The following PC variants were observed in gnomAD, a reference collection of about 807,000 sequenced individuals.
PC encodes the protein pyruvate carboxylase.
In PC, 46 loss-of-function variants were observed where a neutral mutation model predicts 107.8. That is an observed-to-expected ratio of 0.43 (90% confidence interval 0.34 to 0.55). The LOEUF is 0.55. Among genes scored for constraint, PC ranks in the 20% least tolerant of loss-of-function variants. The pLI, the probability that PC is intolerant of heterozygous loss-of-function variation, is 0.04. For synonymous variants in PC, 662 were observed against 684.7 expected, an observed-to-expected ratio of 0.97 and a Z score of 0.52; for missense variants, 1,241 against 1,643.1, an observed-to-expected ratio of 0.76 and a Z score of 4.23.
chr11:66,925,123 C>T (rs1190839876), intron 3 of PC, among the ~76,000 whole-genome samples: 6 of 152,180 alleles, frequency 3.9e-5, no homozygotes, highest in Middle Eastern at 3.4e-3. Flanking sequence ...GGAGGCAGGG[C>T]GAGATCACAG....
chr11:66,857,802 C>T lies in PC; in HGVS notation c.1369-4419G>A. On this transcript the variant is annotated intron_variant, in intron 12 of 22. Transcript: ENST00000393960. This position sits in a 1 kb window ranked among gnomAD's most constrained non-coding sequence, Gnocchi z 7.1. The stretch of plus-strand genomic sequence containing the variant: ...CAGTGGAGCGGCCGCCTGCCCGCTG[C>T]CCTGCGTCTGCCAGAACCTGTCCGA... 2 of 1,600,330 alleles carry T rather than the reference C, an allele frequency of 1.2e-6. No homozygotes were observed. The highest frequency in any genetic ancestry group is 2.2e-5 in the South Asian group (2 of 91,042).
At position 66,854,942 on chromosome 11, in the gene PC, C is replaced by T. The variant is rs190198465; in HGVS notation, c.1369-1559G>A. Among the ~76,000 whole-genome samples the T allele has an allele frequency of 2.5e-3, 388 of 152,352 alleles. 2 individuals are homozygous for T. Among genetic ancestry groups the T allele is most frequent in the Non-Finnish European group, 4.7e-3 (321 of 68,040 alleles). On this transcript the variant is annotated intron_variant, in intron 12 of 22. Coordinates refer to ENST00000393960, the MANE Select transcript of PC (RefSeq NM_001040716.2). ...GAAGGGAGGCAGCTAATGAAACCATCCAAAGAGCCCCGAGCGCGCAGAGTG... is the reference window on the plus strand; with the variant it reads ...GAAGGGAGGCAGCTAATGAAACCATTCAAAGAGCCCCGAGCGCGCAGAGTG...
At chr11:66,946,377 T>C (rs974538653) in intron 3 of PC, among the ~76,000 whole-genome samples, 6 of 152,066 alleles carry the variant, frequency 3.9e-5, no homozygotes, top group African/African-American at 1.2e-4. Context: ...ATGCCTGTAA[T>C]CCCAGCACTT....
intron 2 of PC, among the ~76,000 whole-genome samples, chr11:66,952,897 C>T (rs1949473806): frequency 6.6e-6 from 1 of 152,208 alleles, no homozygotes; most frequent in Non-Finnish European, 1.5e-5. Context: ...GAGCTGGAAG[C>T]GCCAGCTGTG....
chr11:66,942,701 T>C (rs974102216), intron 3 of PC, among the ~76,000 whole-genome samples: 1 of 152,030 alleles, frequency 6.6e-6, no homozygotes, highest in Non-Finnish European at 1.5e-5. Flanking sequence ...ACCACTGAAC[T>C]GTACGCTGGA....
intron 3 of PC, among the ~76,000 whole-genome samples, chr11:66,934,237 A>G (rs2136117576): frequency 6.6e-6 from 1 of 152,148 alleles, no homozygotes; most frequent in South Asian, 2.1e-4. Flanking sequence ...TTCTACCCTC[A>G]AGGGGTTCAC....
At chr11:66,881,822 G>A (rs1947197331) in intron 3 of PC, among the ~76,000 whole-genome samples, 1 of 152,204 alleles carries the variant, frequency 6.6e-6, no homozygotes, top group Non-Finnish European at 1.5e-5. Flanking sequence ...AGCCGGCCTG[G>A]AGCCCGCTTC....
intron 3 of PC, among the ~76,000 whole-genome samples, chr11:66,947,560 C>CAA (rs113612836): frequency 8.0e-6 from 1 of 125,082 alleles, no homozygotes. Context: ...GACTCAGTCT[C>CAA]AAAAAAAAAA....
intron 3 of PC, among the ~76,000 whole-genome samples, chr11:66,876,871 G>C (rs1051979095): frequency 1.3e-4 from 20 of 152,184 alleles, no homozygotes; most frequent in Non-Finnish European, 2.5e-4. Flanking sequence ...GGAGCCTTCG[G>C]GACAAGCACA....
At position 66,873,420 on chromosome 11, in the gene PC, T is replaced by A. The variant is rs1395600432; in HGVS notation, c.1-1261A>T. On this transcript the variant is annotated intron_variant, in intron 3 of 22. Coordinates refer to ENST00000393960, the MANE Select transcript of PC (RefSeq NM_001040716.2). ...TATAATATAATATAAATATATATAA[T>A]ATATTATATATATTATATATTATAT... 1.7e-4 allele frequency among the ~76,000 whole-genome samples: 14 copies of A among 83,128 alleles called. No individual in the cohort carries two copies. In the East Asian group the frequency reaches 4.9e-3, roughly 29 times the overall value. 54.5% of individuals were successfully genotyped at this position (83,128 alleles called of 152,430 possible).
chr11:66,906,460 G>T (rs36017943), intron 3 of PC, among the ~76,000 whole-genome samples: 2 of 152,150 alleles, frequency 1.3e-5, no homozygotes, highest in African/African-American at 4.8e-5. Flanking sequence ...CCACCTGACA[G>T]AGAACAAAGC....
intron 3 of PC, among the ~76,000 whole-genome samples, chr11:66,942,995 A>G (rs1949183099): frequency 6.6e-6 from 1 of 151,050 alleles, no homozygotes; most frequent in Non-Finnish European, 1.5e-5. Flanking sequence ...CAGCCTGGGC[A>G]ACGAGAGCGA....
intron 1 of PC, among the ~76,000 whole-genome samples, chr11:66,957,199 G>T (rs990361916): frequency 6.6e-6 from 1 of 152,282 alleles, no homozygotes; most frequent in Non-Finnish European, 1.5e-5. Flanking sequence ...TAGGGAGGCA[G>T]ATGGCAGGCA....
chr11:66,920,672 T>C (rs1284865021), intron 3 of PC, among the ~76,000 whole-genome samples: 1 of 152,136 alleles, frequency 6.6e-6, no homozygotes, highest in Non-Finnish European at 1.5e-5. Flanking sequence ...TCCTTCCTTC[T>C]GTGGGGTATC....
intron 3 of PC, among the ~76,000 whole-genome samples, chr11:66,898,845 A>G (rs567965078): frequency 1.3e-5 from 2 of 152,120 alleles, no homozygotes; most frequent in South Asian, 4.2e-4. Context: ...CTCAGTCTCT[A>G]TGGATTTGCC....
chr11:66,929,486 C>A (rs1948794192), intron 3 of PC, among the ~76,000 whole-genome samples: 1 of 152,114 alleles, frequency 6.6e-6, no homozygotes, highest in African/African-American at 2.4e-5. Flanking sequence ...CTTGCCTCAG[C>A]CTCCCAAGTA....
At chr11:66,919,993 G>GTTGTTTTCATGTGC (rs1299648897) in intron 3 of PC, among the ~76,000 whole-genome samples, 1 of 152,328 alleles carries the variant, frequency 6.6e-6, no homozygotes, top group South Asian at 2.1e-4. Flanking sequence ...GCCTTGAAAT[G>GTTGTTTTCATGTGC]TAGGTTACCA....
rs1945372298 is a variant in PC, at chr11:66,849,934, T to C, written c.2898+3A>G. 1.2e-6 allele frequency: 2 copies of C among 1,613,416 alleles called. No individual in the cohort carries two copies. Among genetic ancestry groups the C allele is most frequent in the African/African-American group, 2.7e-5 (2 of 74,918 alleles). On this transcript the variant is annotated splice_donor_region_variant and intron_variant, in intron 20 of 22. Coordinates refer to ENST00000393960, the MANE Select transcript of PC (RefSeq NM_001040716.2). ...CCCTCACACCATGCTGGGCCTTCCC[T>C]ACCTTAGAGCGAAAGGGTTCGGGGA...
chr11:66,947,539 C>T (rs969409408), intron 3 of PC, among the ~76,000 whole-genome samples: 2 of 142,872 alleles, frequency 1.4e-5, no homozygotes, highest in South Asian at 2.2e-4. Context: ...CCAGCCTGTG[C>T]GACAGAGCAA....
Sources: allele counts gnomAD v4.1 joint callset (sites outside exome capture counted in the v4.1 genomes callset), GRCh38; gene constraint gnomAD v4.1.1; non-coding constraint Gnocchi (gnomAD v3.1); transcripts MANE v1.5; gene names NCBI Gene and HGNC (gene_info 2026-07-23, HGNC 2026-07-21).